The following ZNF254 variants were observed in gnomAD, a reference collection of about 807,000 sequenced individuals.
ZNF254 encodes zinc finger protein 254.
A neutral mutation model predicts 12.4 loss-of-function variants in ZNF254; 10 were observed. The ratio of observed to expected loss-of-function variants is 0.80; its 90% confidence interval spans 0.50 to 1.36. The LOEUF (loss-of-function observed/expected upper bound fraction) is 1.36, where lower values mean the gene tolerates loss of function less well. Ranked by LOEUF, ZNF254 falls within the 40% of genes most tolerant of loss-of-function variation. The pLI is 0.00. For missense variants in ZNF254, 996 were observed against 763.9 expected (o/e 1.30, Z -3.58); for synonymous variants, 305 against 253.4 (o/e 1.20, Z -1.93).
chr19:24,042,998 T>C (rs906629133), intron 1 of ZNF254, among the ~76,000 whole-genome samples: 4 of 152,196 alleles, frequency 2.6e-5, no homozygotes, highest in Non-Finnish European at 5.9e-5. Flanking sequence ...CTCTGTTTCT[T>C]TTTCTTTTTA....
chr19:24,057,520 G>A (rs912462637), intron 2 of ZNF254, among the ~76,000 whole-genome samples: 3 of 152,142 alleles, frequency 2.0e-5, no homozygotes, highest in Non-Finnish European at 4.4e-5. Context: ...TAAATTCCTC[G>A]GTTGGTACAG....
At position 24,127,173 on chromosome 19, in the gene ZNF254, A is replaced by G; in HGVS notation, c.1173A>G (p.Ser391=). The G allele has an allele frequency of 6.2e-7, 1 of 1,613,600 alleles. No individual in the cohort carries two copies. The highest frequency in any genetic ancestry group is 2.2e-5 in the East Asian group (1 of 44,792). The change falls in exon 4 of 4, where the codon TCA becomes TCG. Residue 391 remains serine, a synonymous_variant. Coordinates refer to ENST00000357002, the MANE Select transcript of ZNF254 (RefSeq NM_203282.4). ...LECGKAFKQL[S]TLTTHKIIHV... ...GTGGCAAAGCTTTTAAGCAACTCTC[A>G]ACTCTTACTACACATAAAATAATTC...
Position 24,091,650 on chromosome 19 carries a change from A to C in ZNF254, c.30+4313A>C, listed in dbSNP as rs1184212610. Among the ~76,000 whole-genome samples, 3 of 151,974 alleles carry C rather than the reference A, an allele frequency of 2.0e-5. No homozygotes were observed. The South Asian group carries it at 6.2e-4, about 32-fold the overall frequency. On this transcript the variant is annotated intron_variant, in intron 1 of 3. Transcript: ENST00000357002. ...TGAGACTGCAGGCCTGTGCCACCACACCTGGCTAGTTTTTGTATTTTTAGT... is the reference window on the plus strand; with the variant it reads ...TGAGACTGCAGGCCTGTGCCACCACCCCTGGCTAGTTTTTGTATTTTTAGT...
chr19:24,064,907 T>C (rs1971215663), intron 2 of ZNF254, among the ~76,000 whole-genome samples: 1 of 152,186 alleles, frequency 6.6e-6, no homozygotes, highest in Non-Finnish European at 1.5e-5. Flanking sequence ...CACAGAACTA[T>C]TCTAACACAT....
intron 1 of ZNF254, among the ~76,000 whole-genome samples, chr19:24,039,921 A>G (rs919628068): frequency 6.6e-6 from 1 of 152,198 alleles, no homozygotes; most frequent in Non-Finnish European, 1.5e-5. Flanking sequence ...TTTCTAATAT[A>G]GTTTTTCTAG....
intron 3 of ZNF254, among the ~76,000 whole-genome samples, chr19:24,113,280 C>T (rs1265132072): frequency 2.0e-5 from 3 of 152,136 alleles, no homozygotes; most frequent in African/African-American, 7.2e-5. Context: ...CAAAAATCCT[C>T]AATAAAATAC....
chr19:24,082,689 G>T (rs1971895176), upstream of ZNF254, among the ~76,000 whole-genome samples: 1 of 146,920 alleles, frequency 6.8e-6, no homozygotes, highest in Non-Finnish European at 1.5e-5. Flanking sequence ...CTATTTGATT[G>T]ATGTCTCATT....
intron 1 of ZNF254, among the ~76,000 whole-genome samples, chr19:24,101,775 A>G (rs55713351): frequency 0.018 from 2,669 of 152,316 alleles, 87 homozygotes; most frequent in African/African-American, 0.06. Flanking sequence ...ACAATCACCT[A>G]GGTGTCTTTG....
Position 24,126,241 on chromosome 19 carries a change from AT to A in ZNF254, c.254-4del, listed in dbSNP as rs201130177. ...TAAGTGGAGTAATTTATTTATTTTT[AT>A]TTTTTTTTCAGGTATGTGTCCTCAT... On this transcript the variant is annotated splice_polypyrimidine_tract_variant and intron_variant, in intron 3 of 3. Coordinates refer to ENST00000357002, the MANE Select transcript of ZNF254 (RefSeq NM_203282.4). 1.8e-4 allele frequency: 248 copies of A among 1,373,956 alleles called. No homozygotes were observed. The highest frequency in any genetic ancestry group is 5.8e-4 in the Middle Eastern group (3 of 5,214). 85.1% of individuals were successfully genotyped at this position (1,373,956 alleles called of 1,614,324 possible).
chr19:24,042,396 A>G (rs887571258), intron 1 of ZNF254, among the ~76,000 whole-genome samples: 2 of 152,234 alleles, frequency 1.3e-5, no homozygotes, highest in Non-Finnish European at 1.5e-5. Context: ...CAACCCGCTC[A>G]GGTCCCCTTC....
intron 1 of ZNF254, among the ~76,000 whole-genome samples, chr19:24,045,987 A>G (rs919666443): frequency 1.4e-4 from 22 of 152,250 alleles, no homozygotes; most frequent in Middle Eastern, 3.4e-3. Context: ...GATTCATTCA[A>G]ACTTGAAAAT....
upstream of ZNF254, among the ~76,000 whole-genome samples, chr19:24,085,089 G>A (rs971708977): frequency 7.3e-5 from 11 of 151,032 alleles, no homozygotes; most frequent in Admixed American, 1.3e-4. Context: ...GCGCCACCAC[G>A]CCCAGCTAAT....
chr19:24,125,303 A>G (rs918236304), intron 3 of ZNF254, among the ~76,000 whole-genome samples: 1 of 141,850 alleles, frequency 7.0e-6, no homozygotes, highest in Non-Finnish European at 1.6e-5. Context: ...TGATATCTTA[A>G]CTATTTTTTA....
intron 1 of ZNF254, chr19:24,033,706 C>T (rs546426099): frequency 9.2e-5 from 26 of 281,320 alleles, no homozygotes; most frequent in Middle Eastern, 1.3e-3. Context: ...TCCCGGGTTT[C>T]CGACCTGAGG....
chr19:24,120,193 C>G (rs1017725563), intron 3 of ZNF254, among the ~76,000 whole-genome samples: 1 of 152,086 alleles, frequency 6.6e-6, no homozygotes, highest in African/African-American at 2.4e-5. Flanking sequence ...TTTCATGAGA[C>G]TTATTCTCTA....
rs1169553551 is a variant in ZNF254 at position 24,128,245 on chromosome 19, C to T, written c.*265C>T. 7.8e-6 allele frequency: 3 copies of T among 385,768 alleles called. No homozygotes were observed. Among genetic ancestry groups the T allele is most frequent in the Non-Finnish European group, 1.4e-5 (3 of 218,472 alleles). 23.9% of individuals were successfully genotyped at this position (385,768 alleles called of 1,614,324 possible). A position where few individuals can be genotyped will look rare whatever the true frequency, so the allele number is the denominator to read the frequency against. On this transcript the variant is annotated 3_prime_UTR_variant, in exon 4 of 4. Transcript: ENST00000357002. ...AACGTGGCCAAGCTTCGACAATGCT[C>T]ACACCCTATTGCACAGGAAAGCATT...
chr19:24,125,943 T>G (rs1335756251), intron 3 of ZNF254, among the ~76,000 whole-genome samples: 2 of 152,230 alleles, frequency 1.3e-5, no homozygotes, highest in Non-Finnish European at 2.9e-5. Flanking sequence ...AAAGACACTA[T>G]GGTATAGTGG....
intron 1 of ZNF254, among the ~76,000 whole-genome samples, chr19:24,091,570 G>A (rs1002213446): frequency 6.6e-5 from 10 of 152,224 alleles, no homozygotes; most frequent in Admixed American, 4.6e-4. Flanking sequence ...TTAGCTCACT[G>A]CAACCTCCAA....
chr19:24,056,040 T>C (rs17206060), intron 2 of ZNF254, among the ~76,000 whole-genome samples: 22,600 of 152,170 alleles, frequency 0.15, 1,937 homozygotes, highest in Middle Eastern at 0.23. Context: ...TAGTGACACA[T>C]AGCTGAACCC....
Sources: gnomAD v4.1 joint callset for allele counts (sites outside exome capture counted in the v4.1 genomes callset) on GRCh38, gnomAD v4.1.1 for gene constraint, MANE v1.5 for transcripts, NCBI Gene and HGNC (gene_info 2026-07-23, HGNC 2026-07-21) for gene names.